AFF3: variants seen among roughly 807,000 people sequenced by gnomAD.
AFF3 encodes the protein AF4/FMR2 family member 3.
AFF3 carries 32 observed loss-of-function variants against 129.7 expected under a neutral mutation model. The observed-to-expected ratio is 0.25, with a 90% CI of 0.19 to 0.33. The LOEUF is 0.33. Among genes scored for constraint, AFF3 ranks in the 10% least tolerant of loss-of-function variants. AFF3 has a pLI of 1.00. For synonymous variants in AFF3, 644 were observed against 635.4 expected, an observed-to-expected ratio of 1.01 and a Z score of -0.20; for missense variants, 1,373 against 1,592.0, an observed-to-expected ratio of 0.86 and a Z score of 2.34.
chr2:99,695,961 C>A (rs868128205), intron 11 of AFF3, among the ~76,000 whole-genome samples: 2,635 of 80,614 alleles, frequency 0.033, 138 homozygotes, highest in African/African-American at 0.12. Context: ...AAAAAAAAAA[C>A]CAAAAGAAAA....
At chr2:99,567,084 C>T (rs1222106953) in intron 19 of AFF3, among the ~76,000 whole-genome samples, 1 of 151,126 alleles carries the variant, frequency 6.6e-6, no homozygotes, top group Non-Finnish European at 1.5e-5. Flanking sequence ...TCTTCTGTCT[C>T]AGCCTCCCAA....
At chr2:99,591,958 T>A (rs571168803) in intron 15 of AFF3, among the ~76,000 whole-genome samples, 2 of 152,236 alleles carry the variant, frequency 1.3e-5, no homozygotes, top group Non-Finnish European at 2.9e-5. Context: ...TAGAGCAGCA[T>A]CTGTCATGGG....
chr2:99,813,522 T>C (rs1686962341), intron 8 of AFF3, among the ~76,000 whole-genome samples: 1 of 152,226 alleles, frequency 6.6e-6, no homozygotes, highest in Non-Finnish European at 1.5e-5. Context: ...GCCTGTGTAC[T>C]ACGATCCTCA....
intron 12 of AFF3, among the ~76,000 whole-genome samples, chr2:99,655,666 A>G (rs1289251589): frequency 1.3e-5 from 2 of 152,184 alleles, no homozygotes; most frequent in South Asian, 2.1e-4. Flanking sequence ...AAGGGTTTAC[A>G]TTAGGGGAAG....
chr2:99,637,015 G>A (rs2105453279), intron 13 of AFF3, among the ~76,000 whole-genome samples: 1 of 152,272 alleles, frequency 6.6e-6, no homozygotes, highest in Non-Finnish European at 1.5e-5. Flanking sequence ...GGGAGTCCCA[G>A]GCTGGAGAGT....
chr2:99,725,801 A>T (rs1240808537), intron 11 of AFF3, among the ~76,000 whole-genome samples: 2 of 152,172 alleles, frequency 1.3e-5, no homozygotes, highest in Non-Finnish European at 2.9e-5. Context: ...CTTTAAAATA[A>T]TTTCATTATT....
intron 17 of AFF3, among the ~76,000 whole-genome samples, chr2:99,581,102 G>A (rs780269837): frequency 3.9e-5 from 6 of 152,214 alleles, no homozygotes; most frequent in Admixed American, 2.6e-4. Context: ...AATGGGATCC[G>A]CTGGATTGTT....
At chr2:99,558,140 T>C (rs1249834474) in intron 22 of AFF3, among the ~76,000 whole-genome samples, 1 of 152,192 alleles carries the variant, frequency 6.6e-6, no homozygotes, top group East Asian at 1.9e-4. Flanking sequence ...TCTCTTACCA[T>C]TTTAAATAAC....
chr2:100,057,320 C>CA (rs57672976), intron 4 of AFF3, among the ~76,000 whole-genome samples: 11,872 of 54,208 alleles, frequency 0.22, 1,542 homozygotes, highest in East Asian at 0.31. Flanking sequence ...GACTCTGTCT[C>CA]AAAAAAAAAA....
intron 13 of AFF3, among the ~76,000 whole-genome samples, chr2:99,627,996 C>T (rs532520211): frequency 5.3e-5 from 8 of 152,122 alleles, no homozygotes; most frequent in South Asian, 2.1e-4. Flanking sequence ...TTGGGTAGTA[C>T]GATGCCTCCA....
intron 4 of AFF3, among the ~76,000 whole-genome samples, chr2:100,093,913 C>T (rs1690074827): frequency 6.6e-6 from 1 of 152,202 alleles, no homozygotes; most frequent in African/African-American, 2.4e-5. Flanking sequence ...ATGGTAAAAA[C>T]GTGAGACCAT....
chr2:99,903,785 T>C (rs996381504), intron 7 of AFF3, among the ~76,000 whole-genome samples: 2 of 152,180 alleles, frequency 1.3e-5, no homozygotes, highest in Non-Finnish European at 2.9e-5. Flanking sequence ...TCCATTTGAA[T>C]GGAAAATGCC....
intron 8 of AFF3, among the ~76,000 whole-genome samples, chr2:99,834,752 C>T (rs1688741976): frequency 6.6e-6 from 1 of 152,202 alleles, no homozygotes; most frequent in South Asian, 2.1e-4. Flanking sequence ...TTTCCCTTCA[C>T]TTTTCTTGTC....
chr2:99,771,455 G>C, intron 8 of AFF3, among the ~76,000 whole-genome samples: 1 of 151,256 alleles, frequency 6.6e-6, no homozygotes, highest in South Asian at 2.1e-4. Context: ...TCAACAGCAT[G>C]CCAGGGAAGA....
chr2:99,681,189 A>G (rs1674493190), intron 11 of AFF3, among the ~76,000 whole-genome samples: 1 of 152,198 alleles, frequency 6.6e-6, no homozygotes, highest in Non-Finnish European at 1.5e-5. Context: ...ATAAGAGCTG[A>G]AGGTCATGAA....
chr2:99,921,863 A>G (rs1054255813), intron 7 of AFF3, among the ~76,000 whole-genome samples: 5 of 152,218 alleles, frequency 3.3e-5, no homozygotes, highest in African/African-American at 1.2e-4. Context: ...GTACTCAATA[A>G]TAAAAATTAG....
intron 13 of AFF3, among the ~76,000 whole-genome samples, chr2:99,621,454 C>T (rs1365602306): frequency 6.6e-6 from 1 of 152,186 alleles, no homozygotes; most frequent in Non-Finnish European, 1.5e-5. Flanking sequence ...CTGCCTGCGA[C>T]CTCGTCCACC....
intron 8 of AFF3, among the ~76,000 whole-genome samples, chr2:99,800,862 T>C (rs1685887133): frequency 6.6e-6 from 1 of 152,054 alleles, no homozygotes; most frequent in African/African-American, 2.4e-5. Context: ...TATAAAACTC[T>C]AGGAAAATGC....
At chr2:99,911,504 C>T (rs1695115145) in intron 7 of AFF3, among the ~76,000 whole-genome samples, 1 of 152,124 alleles carries the variant, frequency 6.6e-6, no homozygotes, top group Non-Finnish European at 1.5e-5. Context: ...GGAAAAATTC[C>T]AAGTAGGAAG....
Sources: allele counts gnomAD v4.1 joint callset (sites outside exome capture counted in the v4.1 genomes callset), GRCh38; gene constraint gnomAD v4.1.1; transcripts MANE v1.5; gene names NCBI Gene and HGNC (gene_info 2026-07-23, HGNC 2026-07-21).